Variants in MAPK4 observed in about 807,000 individuals in gnomAD.
MAPK4 encodes Erk3-related.
MAPK4 carries 22 observed loss-of-function variants against 47.7 expected under a neutral mutation model. The observed-to-expected ratio is 0.46, with a 90% CI of 0.33 to 0.66. The LOEUF is 0.66. MAPK4 is among the 30% of genes least tolerant of loss of function. The pLI is 0.02. For synonymous variants in MAPK4, 390 were observed against 365.7 expected, an observed-to-expected ratio of 1.07 and a Z score of -0.76; for missense variants, 736 against 831.7, an observed-to-expected ratio of 0.88 and a Z score of 1.42.
chr18:50,635,083 C>T (rs527717673), intron 1 of MAPK4, among the ~76,000 whole-genome samples: 15 of 152,310 alleles, frequency 9.8e-5, no homozygotes, highest in Admixed American at 5.2e-4. Context: ...TTGAGGGCAG[C>T]GTATCTGTCT....
At chr18:50,634,306 T>G (rs2042859713) in intron 1 of MAPK4, among the ~76,000 whole-genome samples, 1 of 51,450 alleles carries the variant, frequency 1.9e-5, no homozygotes, top group Admixed American at 2.6e-4. Flanking sequence ...TGTCAGGTGT[T>G]TTTTTTTTCT....
chr18:50,632,726 T>C (rs575848368), intron 1 of MAPK4, among the ~76,000 whole-genome samples: 1 of 151,292 alleles, frequency 6.6e-6, no homozygotes, highest in East Asian at 2.0e-4. Flanking sequence ...TTCAAGCAAT[T>C]CTCCTGCCTC....
chr18:50,722,342 C>T (rs1316919103), intron 4 of MAPK4, among the ~76,000 whole-genome samples: 2 of 152,172 alleles, frequency 1.3e-5, no homozygotes, highest in Non-Finnish European at 2.9e-5. Context: ...CCTTTTGCTT[C>T]TCATCTTCCT....
chr18:50,611,515 C>T (rs1427637382), intron 1 of MAPK4, among the ~76,000 whole-genome samples: 1 of 152,244 alleles, frequency 6.6e-6, no homozygotes, highest in Non-Finnish European at 1.5e-5. Context: ...TGAGTGAGCA[C>T]AGCTGACCTT....
intron 2 of MAPK4, among the ~76,000 whole-genome samples, chr18:50,699,741 A>G (rs62092225): frequency 0.01 from 1,544 of 152,246 alleles, 16 homozygotes; most frequent in Middle Eastern, 0.017. Context: ...AAGAGCTACA[A>G]ATTTGGAGAT....
intron 1 of MAPK4, among the ~76,000 whole-genome samples, chr18:50,593,631 T>G (rs2042457211): frequency 6.6e-6 from 1 of 152,106 alleles, no homozygotes; most frequent in Non-Finnish European, 1.5e-5. Flanking sequence ...TTATAAGCAA[T>G]GACAACTAAA....
intron 1 of MAPK4, among the ~76,000 whole-genome samples, chr18:50,595,738 T>C (rs1286334926): frequency 6.6e-6 from 1 of 152,268 alleles, no homozygotes; most frequent in Non-Finnish European, 1.5e-5. Flanking sequence ...TTATGACTTA[T>C]TATGAACAGT....
intron 2 of MAPK4, among the ~76,000 whole-genome samples, chr18:50,683,168 G>T (rs1008627100): frequency 1.3e-5 from 2 of 152,018 alleles, no homozygotes; most frequent in Non-Finnish European, 1.5e-5. Flanking sequence ...TGCCCAGGCT[G>T]GAGTGCAGTG....
intron 1 of MAPK4, among the ~76,000 whole-genome samples, chr18:50,570,799 A>G (rs1373483400): frequency 1.3e-5 from 2 of 152,170 alleles, no homozygotes; most frequent in African/African-American, 4.8e-5. Context: ...CCAACTTTCA[A>G]GAAGCCAGAG....
At chr18:50,570,670 A>G (rs1400873638) in intron 1 of MAPK4, among the ~76,000 whole-genome samples, 1 of 152,086 alleles carries the variant, frequency 6.6e-6, no homozygotes, top group African/African-American at 2.4e-5. Flanking sequence ...GCTTGATGCT[A>G]AGGTTTGGAG....
chr18:50,598,634 A>C (rs1275086723), intron 1 of MAPK4, among the ~76,000 whole-genome samples: 1 of 152,154 alleles, frequency 6.6e-6, no homozygotes, highest in African/African-American at 2.4e-5. Context: ...TCCCTTCTTT[A>C]CAACTAAACT....
intron 1 of MAPK4, among the ~76,000 whole-genome samples, chr18:50,609,369 C>A (rs532206331): frequency 6.6e-6 from 1 of 151,260 alleles, no homozygotes; most frequent in Non-Finnish European, 1.5e-5. Flanking sequence ...CCAGACGGGG[C>A]GGCTGGCCGG....
At chr18:50,676,926 A>T (rs556499414) in intron 2 of MAPK4, among the ~76,000 whole-genome samples, 1 of 152,210 alleles carries the variant, frequency 6.6e-6, no homozygotes, top group Admixed American at 6.5e-5. Context: ...AGGGTCCCCA[A>T]CCCCTGGGCT....
chr18:50,616,746 A>G (rs751553493), intron 1 of MAPK4, among the ~76,000 whole-genome samples: 3 of 152,206 alleles, frequency 2.0e-5, no homozygotes, highest in Admixed American at 1.3e-4. Flanking sequence ...AGCATCCAAC[A>G]TGGGAGAAAG....
intron 2 of MAPK4, among the ~76,000 whole-genome samples, chr18:50,696,921 T>A (rs1909543290): frequency 6.6e-6 from 1 of 151,568 alleles, no homozygotes; most frequent in African/African-American, 2.4e-5. Context: ...GAGAAAAAAG[T>A]GGGGCCTGAA....
At chr18:50,616,266 G>A (rs780339162) in intron 1 of MAPK4, among the ~76,000 whole-genome samples, 52 of 152,150 alleles carry the variant, frequency 3.4e-4, no homozygotes, top group Non-Finnish European at 6.6e-4. Context: ...TTGGCATCAC[G>A]TCGGATTGCC....
intron 2 of MAPK4, among the ~76,000 whole-genome samples, chr18:50,710,188 C>T (rs1433457852): frequency 6.6e-6 from 1 of 152,146 alleles, no homozygotes; most frequent in East Asian, 1.9e-4. Flanking sequence ...TTTAAATTCA[C>T]CATACCATAC....
intron 2 of MAPK4, among the ~76,000 whole-genome samples, chr18:50,694,029 A>T (rs1162800657): frequency 6.6e-6 from 1 of 152,250 alleles, no homozygotes; most frequent in African/African-American, 2.4e-5. Context: ...CCTCTGATTC[A>T]GTGAGAAGCA....
intron 1 of MAPK4, among the ~76,000 whole-genome samples, chr18:50,570,637 A>C (rs2042241496): frequency 1.3e-5 from 2 of 152,216 alleles, no homozygotes; most frequent in Non-Finnish European, 2.9e-5. Context: ...TCAGGAGTCA[A>C]GACAGCCTTT....
Sources: allele counts gnomAD v4.1 joint callset (sites outside exome capture counted in the v4.1 genomes callset), GRCh38; gene constraint gnomAD v4.1.1; transcripts MANE v1.5; gene names NCBI Gene and HGNC (gene_info 2026-07-23, HGNC 2026-07-21).